Variants in SCHIP1 observed in about 807,000 individuals in gnomAD.
SCHIP1 encodes the protein schwannomin-interacting protein 1.
SCHIP1 carries 8 observed loss-of-function variants against 29.7 expected under a neutral mutation model. That is an observed-to-expected ratio of 0.27 (90% CI 0.16 to 0.49). The LOEUF is 0.49. SCHIP1 is among the 20% of genes least tolerant of loss of function. The probability of loss-of-function intolerance (pLI) is 0.99; values close to 1 mark genes in which losing one functional copy is unlikely to be tolerated. For missense variants in SCHIP1, 193 were observed against 294.6 expected (o/e 0.66, Z 2.52); for synonymous variants, 76 against 94.9 (o/e 0.80, Z 1.16).
chr3:159,462,380 CCTCA>C, the SCHIP1 span, among the ~76,000 whole-genome samples: 1 of 152,126 alleles, frequency 6.6e-6, no homozygotes, highest in Non-Finnish European at 1.5e-5. Flanking sequence ...CCTGCGTCCT[CCTCA>C]CTGACTGTGA....
At chr3:159,602,512 C>T in the SCHIP1 span, among the ~76,000 whole-genome samples, 1 of 152,016 alleles carries the variant, frequency 6.6e-6, no homozygotes, top group Non-Finnish European at 1.5e-5. Flanking sequence ...AGTTCGAGAC[C>T]AGCCTGGCCA....
At chr3:159,485,876 T>C in the SCHIP1 span, among the ~76,000 whole-genome samples, 1 of 152,178 alleles carries the variant, frequency 6.6e-6, no homozygotes, top group African/African-American at 2.4e-5. Context: ...TCACTATTAT[T>C]TTGCTGTTCT....
At chr3:159,444,417 G>T in the SCHIP1 span, among the ~76,000 whole-genome samples, 1 of 151,976 alleles carries the variant, frequency 6.6e-6, no homozygotes, top group African/African-American at 2.4e-5. Flanking sequence ...CAACCTCCAG[G>T]ATTGTCCCTG....
the SCHIP1 span, among the ~76,000 whole-genome samples, chr3:159,320,364 G>C: frequency 6.6e-6 from 1 of 152,176 alleles, no homozygotes; most frequent in African/African-American, 2.4e-5. Context: ...GCCCTCACCA[G>C]AACCTGACCA....
chr3:159,603,532 A>G, the SCHIP1 span, among the ~76,000 whole-genome samples: 129 of 152,324 alleles, frequency 8.5e-4, no homozygotes, highest in African/African-American at 3.0e-3. Flanking sequence ...ACTCATTAAC[A>G]TACAAAATGA....
At chr3:159,567,263 CT>C in the SCHIP1 span, among the ~76,000 whole-genome samples, 1 of 152,172 alleles carries the variant, frequency 6.6e-6, no homozygotes, top group Non-Finnish European at 1.5e-5. Flanking sequence ...GTTAAACACA[CT>C]ATTCTTCAAG....
the SCHIP1 span, among the ~76,000 whole-genome samples, chr3:159,766,977 A>C: frequency 6.6e-6 from 1 of 152,152 alleles, no homozygotes; most frequent in African/African-American, 2.4e-5. Context: ...GCATATTTGC[A>C]TATTTGGGTT....
chr3:159,288,000 T>C, the SCHIP1 span, among the ~76,000 whole-genome samples: 1 of 152,170 alleles, frequency 6.6e-6, no homozygotes, highest in Non-Finnish European at 1.5e-5. Flanking sequence ...TTGATAAAAG[T>C]AGGGAAAAGA....
chr3:159,889,114 A>G (rs1037601616), intron 5 of SCHIP1, among the ~76,000 whole-genome samples, 171 bp downstream of exon 6: 1 of 152,162 alleles, frequency 6.6e-6, no homozygotes, highest in African/African-American at 2.4e-5. Flanking sequence ...TTAGCTGTAA[A>G]ATGTTCAGAA....
the SCHIP1 span, among the ~76,000 whole-genome samples, chr3:159,426,103 A>C: frequency 7.2e-5 from 11 of 152,192 alleles, no homozygotes; most frequent in African/African-American, 2.4e-4. Flanking sequence ...AAGATCCAAA[A>C]TTGACACCCT....
At chr3:159,341,253 C>G in the SCHIP1 span, among the ~76,000 whole-genome samples, 7 of 151,320 alleles carry the variant, frequency 4.6e-5, no homozygotes, top group East Asian at 1.4e-3. Context: ...TCTCTGAAGA[C>G]CTGGAATGTC....
At chr3:159,621,590 T>TTTTTTAAAG in the SCHIP1 span, among the ~76,000 whole-genome samples, 1 of 152,212 alleles carries the variant, frequency 6.6e-6, no homozygotes, top group Non-Finnish European at 1.5e-5. Flanking sequence ...CAACTATATA[T>TTTTTTAAAG]GCTTCTTTTT....
chr3:159,782,763 ACAT>A, the SCHIP1 span, among the ~76,000 whole-genome samples: 11 of 152,326 alleles, frequency 7.2e-5, no homozygotes, highest in Admixed American at 1.3e-4. Flanking sequence ...TGCTCTCTTG[ACAT>A]CTGATATCAA....
At chr3:159,680,656 A>AT in the SCHIP1 span, among the ~76,000 whole-genome samples, 6 of 83,542 alleles carry the variant, frequency 7.2e-5, no homozygotes, top group African/African-American at 2.8e-4. Context: ...ATATATGTAT[A>AT]TATAAAATAT....
the SCHIP1 span, among the ~76,000 whole-genome samples, chr3:159,355,229 T>G: frequency 2.6e-5 from 4 of 151,940 alleles, no homozygotes; most frequent in African/African-American, 9.7e-5. Context: ...TCCCTCCCCC[T>G]ACACCACCAA....
intron 1 of SCHIP1, chr3:159,845,382 CTT>C (rs11344098): frequency 9.3e-4 from 130 of 140,440 alleles, no homozygotes; most frequent in Non-Finnish European, 8.6e-4. Context: ...CAAGCTTCTT[CTT>C]TTTTTTTTTT....
the SCHIP1 span, among the ~76,000 whole-genome samples, chr3:159,736,555 G>T: frequency 6.6e-6 from 1 of 152,138 alleles, no homozygotes. Context: ...AGCTGGGGAA[G>T]CTTGAACAAG....
At chr3:159,473,674 G>GAAAA in the SCHIP1 span, among the ~76,000 whole-genome samples, 676 of 80,920 alleles carry the variant, frequency 8.4e-3, no homozygotes, top group East Asian at 0.013. Flanking sequence ...ATGTAACTAC[G>GAAAA]AAAAAAAAAA....
At chr3:159,526,649 T>C in the SCHIP1 span, among the ~76,000 whole-genome samples, 2 of 152,286 alleles carry the variant, frequency 1.3e-5, no homozygotes, top group East Asian at 3.9e-4. Context: ...GCACAGGAGA[T>C]ATAGGTTCCT....
Sources: allele counts gnomAD v4.1 joint callset (sites outside exome capture counted in the v4.1 genomes callset), GRCh38; gene constraint gnomAD v4.1.1; transcripts MANE v1.5; gene names NCBI Gene and HGNC (gene_info 2026-07-23, HGNC 2026-07-21).